The following CNTNAP2 variants were observed in gnomAD, a reference collection of about 807,000 sequenced individuals.
The protein encoded by CNTNAP2 is contactin-associated protein-like 2.
CNTNAP2 carries 98 observed loss-of-function variants against 155.2 expected under a neutral mutation model. The observed-to-expected ratio is 0.63, with a 90% CI of 0.54 to 0.75. The LOEUF is 0.75. Among genes scored for constraint, CNTNAP2 ranks in the 30% least tolerant of loss-of-function variants. The pLI is 0.00. For synonymous variants in CNTNAP2, 651 were observed against 631.2 expected (o/e 1.03, Z -0.47); for missense variants, 1,727 against 1,688.1 (o/e 1.02, Z -0.40).
intron 1 of CNTNAP2, among the ~76,000 whole-genome samples, chr7:146,139,577 T>C (rs1797847771): frequency 1.3e-5 from 2 of 152,190 alleles, no homozygotes; most frequent in South Asian, 4.1e-4. Context: ...GTTTCTTCTG[T>C]GTTTATGATT....
At chr7:147,516,270 A>T (rs1258054018) in intron 11 of CNTNAP2, among the ~76,000 whole-genome samples, 4 of 152,184 alleles carry the variant, frequency 2.6e-5, no homozygotes, top group African/African-American at 9.7e-5. Context: ...GAACAAAAAA[A>T]TAGACAAAAT....
intron 1 of CNTNAP2, among the ~76,000 whole-genome samples, chr7:146,764,032 T>G (rs1247977470): frequency 6.6e-6 from 1 of 152,192 alleles, no homozygotes; most frequent in Non-Finnish European, 1.5e-5. Flanking sequence ...TTTCAGTAAG[T>G]ACATTGCTTA....
rs144970713 is a variant in CNTNAP2, at chr7:147,132,501, T to A, written c.1340T>A (p.Ile447Asn). Residue 447 changes from isoleucine (I) to asparagine (N), a missense_variant, in exon 8 of 24, where the codon ATT (isoleucine) becomes AAT (asparagine). Ile to Asn is a moderately radical substitution (Grantham distance 149). Coordinates refer to ENST00000361727, the MANE Select transcript of CNTNAP2 (RefSeq NM_014141.6). ...CAGACCAAGATGAGCCAAATCGATA[T>A]TTCCTCAGGTCAGTGAAACCTATTT... is the stretch of plus-strand genomic sequence containing the variant. ...ITQTKMSQID[I>N]SSGSGLNDGQ... 25 of 1,613,528 alleles carry A rather than the reference T, an allele frequency of 1.5e-5. No homozygotes were observed. Among genetic ancestry groups the A allele is most frequent in the Non-Finnish European group, 2.0e-5 (24 of 1,179,630 alleles).
At chr7:148,057,405 C>A (rs1017118152) in intron 15 of CNTNAP2, among the ~76,000 whole-genome samples, 1 of 152,032 alleles carries the variant, frequency 6.6e-6, no homozygotes, top group African/African-American at 2.4e-5. Context: ...TTTCTGGTGT[C>A]GAAAGGTCCT....
At chr7:146,442,997 G>A (rs1796342455) in intron 1 of CNTNAP2, among the ~76,000 whole-genome samples, 3 of 151,898 alleles carry the variant, frequency 2.0e-5, no homozygotes, top group African/African-American at 7.3e-5. Context: ...ACCAGGTCAG[G>A]AAATCGAGAC....
intron 10 of CNTNAP2, among the ~76,000 whole-genome samples, chr7:147,445,793 CTCTT>C (rs954472795): frequency 4.0e-5 from 6 of 151,808 alleles, no homozygotes; most frequent in African/African-American, 1.2e-4. Context: ...TTCTTTCTTT[CTCTT>C]TCTTCTTTCT....
At chr7:147,993,702 G>T (rs1253108322) in intron 15 of CNTNAP2, among the ~76,000 whole-genome samples, 2 of 152,172 alleles carry the variant, frequency 1.3e-5, no homozygotes, top group African/African-American at 4.8e-5. Flanking sequence ...ACCCGACTTT[G>T]TCTTATGACT....
intron 8 of CNTNAP2, among the ~76,000 whole-genome samples, chr7:147,265,985 G>T (rs553504402): frequency 1.3e-5 from 2 of 152,176 alleles, no homozygotes; most frequent in African/African-American, 2.4e-5. Context: ...CTCATCCAAA[G>T]GTCAGCAACC....
chr7:147,367,990 C>A, intron 9 of CNTNAP2, among the ~76,000 whole-genome samples: 1 of 145,126 alleles, frequency 6.9e-6, no homozygotes. Context: ...CTTTCTTTCT[C>A]TCTCTCTCTC....
chr7:147,885,211 G>C (rs1799584255), intron 13 of CNTNAP2, among the ~76,000 whole-genome samples: 1 of 152,162 alleles, frequency 6.6e-6, no homozygotes, highest in African/African-American at 2.4e-5. Context: ...TTAAATAGTA[G>C]AAAAGAAGAG....
intron 13 of CNTNAP2, among the ~76,000 whole-genome samples, chr7:147,685,126 C>A (rs766213528): frequency 5.9e-5 from 9 of 152,090 alleles, no homozygotes; most frequent in South Asian, 2.1e-4. Context: ...AAAGCAAACA[C>A]AGCAGTGAGG....
chr7:147,725,407 A>G (rs1187606946), intron 13 of CNTNAP2, among the ~76,000 whole-genome samples: 1 of 152,092 alleles, frequency 6.6e-6, no homozygotes, highest in Non-Finnish European at 1.5e-5. Flanking sequence ...TCTTAAAACA[A>G]TCTTTTCTTC....
intron 4 of CNTNAP2, among the ~76,000 whole-genome samples, chr7:147,071,591 A>G (rs1799892763): frequency 6.6e-6 from 1 of 152,238 alleles, no homozygotes; most frequent in Non-Finnish European, 1.5e-5. Context: ...AATACTTGAT[A>G]GGGTCATCAT....
At chr7:146,482,103 A>G (rs888488451) in intron 1 of CNTNAP2, among the ~76,000 whole-genome samples, 5 of 151,892 alleles carry the variant, frequency 3.3e-5, no homozygotes, top group African/African-American at 7.2e-5. Flanking sequence ...AGTTAGTCAA[A>G]GCAACAGTCA....
chr7:146,897,972 G>A (rs1000419310), intron 3 of CNTNAP2, among the ~76,000 whole-genome samples: 1 of 151,964 alleles, frequency 6.6e-6, no homozygotes, highest in Non-Finnish European at 1.5e-5. Flanking sequence ...TTCAGTGAAT[G>A]CCGTTTACAA....
intron 20 of CNTNAP2, among the ~76,000 whole-genome samples, chr7:148,232,137 C>T (rs1019940002): frequency 1.3e-5 from 2 of 152,122 alleles, no homozygotes; most frequent in Admixed American, 1.3e-4. Flanking sequence ...CCCAGCCTGT[C>T]CCATCTACCC....
chr7:146,712,672 T>G lies in CNTNAP2; in HGVS notation c.98-61599T>G, dbSNP rs1298424431. 4.6e-5 allele frequency among the ~76,000 whole-genome samples: 7 copies of G among 151,946 alleles called. No individual in the cohort carries two copies. The East Asian group carries it at 1.4e-3, about 29-fold the overall frequency. On this transcript the variant is annotated intron_variant, in intron 1 of 23. Transcript: ENST00000361727. ...ATCTACTTTTGCCTTTTTTTTTCTTTTTTAGTTTAAGATAAAATAAATAGT... is the reference window on the plus strand; with the variant it reads ...ATCTACTTTTGCCTTTTTTTTTCTTGTTTAGTTTAAGATAAAATAAATAGT...
intron 13 of CNTNAP2, among the ~76,000 whole-genome samples, chr7:147,895,189 A>AT (rs34643783): frequency 0.23 from 35,154 of 151,090 alleles, 4,197 homozygotes; most frequent in Middle Eastern, 0.3. Flanking sequence ...GGCCAGGCTG[A>AT]TTTTGAACCC....
intron 9 of CNTNAP2, among the ~76,000 whole-genome samples, chr7:147,345,246 G>A (rs1183492426): frequency 6.6e-6 from 1 of 152,010 alleles, no homozygotes; most frequent in Non-Finnish European, 1.5e-5. Context: ...ATTTTGTCAT[G>A]TTTACTTTTA....
Sources: allele counts gnomAD v4.1 joint callset (sites outside exome capture counted in the v4.1 genomes callset), GRCh38; gene constraint gnomAD v4.1.1; transcripts MANE v1.5; gene names NCBI Gene and HGNC (gene_info 2026-07-23, HGNC 2026-07-21).